Variants in GLRA3 observed in about 807,000 individuals in gnomAD.
The protein encoded by GLRA3 is glycine receptor alpha 3, also known as glycine receptor subunit alpha-3.
GLRA3 carries 44 observed loss-of-function variants against 60.4 expected under a neutral mutation model. The ratio of observed to expected loss-of-function variants is 0.73; its 90% confidence interval spans 0.57 to 0.94. The LOEUF (loss-of-function observed/expected upper bound fraction) is 0.94. GLRA3 is among the 40% of genes least tolerant of loss of function. GLRA3 has a pLI of 0.00. For synonymous variants in GLRA3, 223 were observed against 192.9 expected, an observed-to-expected ratio of 1.16 and a Z score of -1.29; for missense variants, 508 against 564.6, an observed-to-expected ratio of 0.90 and a Z score of 1.02.
intron 3 of GLRA3, among the ~76,000 whole-genome samples, chr4:174,729,344 C>T (rs1736464682): frequency 6.6e-6 from 1 of 152,106 alleles, no homozygotes. Flanking sequence ...TGACCATATA[C>T]ACTTTTTCAC....
At chr4:174,788,590 T>TAAAAAAAAAAAAAAAAA (rs35640897) in intron 2 of GLRA3, among the ~76,000 whole-genome samples, 6 of 87,868 alleles carry the variant, frequency 6.8e-5, no homozygotes, top group East Asian at 4.2e-4. Flanking sequence ...GTTAGAGAAG[T>TAAAAAAAAAAAAAAAAA]AAAAAAAAAA....
At chr4:174,818,683 G>T (rs1426555170) in intron 1 of GLRA3, among the ~76,000 whole-genome samples, 1 of 152,096 alleles carries the variant, frequency 6.6e-6, no homozygotes, top group African/African-American at 2.4e-5. Context: ...TAAAGCAGAA[G>T]GAAGATTTCT....
At chr4:174,778,838 T>C (rs1043793944) in intron 2 of GLRA3, among the ~76,000 whole-genome samples, 3 of 152,210 alleles carry the variant, frequency 2.0e-5, no homozygotes, top group Admixed American at 6.5e-5. Context: ...GGAGTCTCGC[T>C]GATTGCTAGC....
intron 9 of GLRA3, among the ~76,000 whole-genome samples, chr4:174,653,193 T>C (rs1428976880): frequency 6.6e-6 from 1 of 151,998 alleles, no homozygotes; most frequent in African/African-American, 2.4e-5. Context: ...GTGTAGATTA[T>C]TTTAAATTGC....
At chr4:174,754,300 T>A (rs1372471005) in intron 3 of GLRA3, among the ~76,000 whole-genome samples, 4 of 152,160 alleles carry the variant, frequency 2.6e-5, no homozygotes, top group Non-Finnish European at 5.9e-5. Flanking sequence ...GATGCTTATA[T>A]GTGATAGATC....
chr4:174,691,322 A>C (rs1042990768), intron 5 of GLRA3, among the ~76,000 whole-genome samples: 2 of 151,990 alleles, frequency 1.3e-5, no homozygotes, highest in African/African-American at 4.8e-5. Context: ...CATAAGAAAA[A>C]ATGTGCTGGC....
chr4:174,669,102 T>C (rs1029252039), intron 7 of GLRA3, among the ~76,000 whole-genome samples: 1 of 152,054 alleles, frequency 6.6e-6, no homozygotes, highest in Non-Finnish European at 1.5e-5. Context: ...CAGATCTCAT[T>C]GACTATTCAT....
chr4:174,676,075 T>C (rs1434989470), intron 7 of GLRA3, among the ~76,000 whole-genome samples: 2 of 152,186 alleles, frequency 1.3e-5, no homozygotes, highest in African/African-American at 2.4e-5. Flanking sequence ...TTAATTTAGA[T>C]GACAGAAACT....
intron 2 of GLRA3, among the ~76,000 whole-genome samples, chr4:174,771,268 C>T (rs576127914): frequency 5.9e-5 from 9 of 151,702 alleles, no homozygotes; most frequent in Non-Finnish European, 1.0e-4. Context: ...ATGAAATTTC[C>T]GTCCTAAAAA....
chr4:174,680,259 T>A (rs1734290228), intron 6 of GLRA3, among the ~76,000 whole-genome samples: 1 of 152,110 alleles, frequency 6.6e-6, no homozygotes, highest in Admixed American at 6.6e-5. Context: ...TATATGTGGA[T>A]CTGATGAGAT....
chr4:174,742,285 G>T (rs991875560), intron 3 of GLRA3, among the ~76,000 whole-genome samples: 1 of 152,074 alleles, frequency 6.6e-6, no homozygotes, highest in Non-Finnish European at 1.5e-5. Context: ...ATTATTCGAG[G>T]TTTTTAATAA....
At chr4:174,787,768 G>A (rs1241547775) in intron 2 of GLRA3, among the ~76,000 whole-genome samples, 1 of 151,972 alleles carries the variant, frequency 6.6e-6, no homozygotes, top group Non-Finnish European at 1.5e-5. Context: ...ATTTATGGTT[G>A]AAAGCTTAAA....
chr4:174,676,727 C>G (rs1450417806), intron 7 of GLRA3, among the ~76,000 whole-genome samples: 1 of 151,942 alleles, frequency 6.6e-6, no homozygotes, highest in Non-Finnish European at 1.5e-5. Flanking sequence ...CAATGGAGTA[C>G]TATGCCACCA....
chr4:174,673,550 T>A (rs1372523551), intron 7 of GLRA3, among the ~76,000 whole-genome samples: 2 of 152,072 alleles, frequency 1.3e-5, no homozygotes, highest in African/African-American at 4.8e-5. Context: ...ATATATTCTG[T>A]TTATGGGTAG....
chr4:174,776,414 C>T (rs140869087), intron 2 of GLRA3, among the ~76,000 whole-genome samples: 96 of 152,192 alleles, frequency 6.3e-4, no homozygotes, highest in Admixed American at 1.7e-3. Flanking sequence ...CATAAGAAAA[C>T]TAGTGGTTTA....
chr4:174,763,428 C>T (rs1738012107), intron 3 of GLRA3, among the ~76,000 whole-genome samples: 1 of 152,198 alleles, frequency 6.6e-6, no homozygotes, highest in South Asian at 2.1e-4. Flanking sequence ...CAAAACTTTT[C>T]TCTTAACCAA....
intron 9 of GLRA3, among the ~76,000 whole-genome samples, chr4:174,654,494 T>C (rs370453060): frequency 2.0e-5 from 3 of 152,102 alleles, no homozygotes; most frequent in South Asian, 2.1e-4. Flanking sequence ...AATGATCCAT[T>C]CCTATTTCAT....
intron 7 of GLRA3, among the ~76,000 whole-genome samples, chr4:174,667,514 T>A (rs28472452): frequency 0.087 from 13,197 of 152,140 alleles, 1,684 homozygotes; most frequent in African/African-American, 0.28. Flanking sequence ...CCTGATTTTC[T>A]GCCAAAAATT....
At chr4:174,719,768 C>T (rs900206111) in intron 4 of GLRA3, among the ~76,000 whole-genome samples, 5 of 152,126 alleles carry the variant, frequency 3.3e-5, no homozygotes, top group Non-Finnish European at 1.5e-5. Context: ...TTGATGGTTT[C>T]TTTATGAAGC....
Sources: gnomAD v4.1 joint callset for allele counts (sites outside exome capture counted in the v4.1 genomes callset) on GRCh38, gnomAD v4.1.1 for gene constraint, MANE v1.5 for transcripts, NCBI Gene and HGNC (gene_info 2026-07-23, HGNC 2026-07-21) for gene names.